Variants in CFAP44 observed in about 807,000 individuals in gnomAD.
CFAP44 encodes cilia- and flagella-associated protein 44.
In CFAP44, 134 loss-of-function variants were observed where a neutral mutation model predicts 216.2. The ratio of observed to expected loss-of-function variants is 0.62; its 90% CI spans 0.54 to 0.72. The LOEUF is 0.72. Ranked by LOEUF, CFAP44 falls within the 30% of genes least tolerant of loss-of-function variation. The probability of loss-of-function intolerance (pLI) is 0.00; values close to 1 mark genes in which losing one functional copy is unlikely to be tolerated. For missense variants in CFAP44, 2,035 were observed against 2,182.1 expected (o/e 0.93, Z 1.34); for synonymous variants, 700 against 727.6 (o/e 0.96, Z 0.61).
At chr3:113,340,818 C>T (rs1274886108) in intron 24 of CFAP44, among the ~76,000 whole-genome samples, 1 of 152,178 alleles carries the variant, frequency 6.6e-6, no homozygotes, top group African/African-American at 2.4e-5. Context: ...GGTTTCTTGC[C>T]TTGGTGTACT....
At chr3:113,295,315 C>T (rs1368402045) in intron 33 of CFAP44, among the ~76,000 whole-genome samples, 1 of 152,238 alleles carries the variant, frequency 6.6e-6, no homozygotes, top group Non-Finnish European at 1.5e-5. Flanking sequence ...GATCCTCTGC[C>T]TAAGCCTCTC....
chr3:113,296,633 C>T, intron 33 of CFAP44, 92 bp downstream of exon 33: 2 of 1,432,648 alleles, frequency 1.4e-6, no homozygotes, highest in Non-Finnish European at 1.9e-6. Flanking sequence ...GCTCCAGCTA[C>T]ACAGATGCTT....
At chr3:113,439,768 T>C (rs1470557992) in intron 1 of CFAP44, among the ~76,000 whole-genome samples, 2 of 152,348 alleles carry the variant, frequency 1.3e-5, no homozygotes, top group Non-Finnish European at 2.9e-5. Flanking sequence ...GAGTGCTGTC[T>C]AAGGTGACAT....
intron 18 of CFAP44, among the ~76,000 whole-genome samples, chr3:113,371,365 C>T (rs1933157387): frequency 6.6e-6 from 1 of 152,198 alleles, no homozygotes; most frequent in African/African-American, 2.4e-5. Context: ...CAGCATGGTA[C>T]TGGTACCAAA....
chr3:113,333,366 G>A (rs1413001753), intron 25 of CFAP44, 40 bp downstream of exon 25: 1 of 1,507,058 alleles, frequency 6.6e-7, no homozygotes, highest in African/African-American at 1.4e-5. Context: ...TAAGAACCCA[G>A]GGTGCCTTCT....
intron 13 of CFAP44, among the ~76,000 whole-genome samples, chr3:113,397,993 T>C (rs958797559): frequency 6.6e-6 from 1 of 152,136 alleles, no homozygotes; most frequent in Non-Finnish European, 1.5e-5. Flanking sequence ...ATGTACCAAA[T>C]CTACTGTCTT....
chr3:113,419,985 T>C lies in CFAP44; in HGVS notation c.570+32A>G, dbSNP rs200271647. 5 of 1,603,470 alleles carry C rather than the reference T, an allele frequency of 3.1e-6. No homozygotes were observed. In the East Asian group the frequency reaches 8.9e-5, roughly 29 times the overall value. On this transcript the variant is annotated intron_variant, in intron 5 of 34. Transcript: ENST00000393845. ...GAACAAGCAAAAAGATAGGGTTTTT[T>C]GGGGTTTTTTTCTAATTTATTGAAG...
rs149680126 is a variant in CFAP44 at position 113,327,552 on chromosome 3, A to G, written c.4320+64T>C. 3.0e-4 allele frequency: 422 copies of G among 1,415,888 alleles called. 3 individuals carry two copies. The African/African-American group carries it at 5.3e-3, about 18-fold the overall frequency. 87.7% of individuals were successfully genotyped at this position (1,415,888 alleles called of 1,614,324 possible). On this transcript the variant is annotated intron_variant, in intron 27 of 34. Coordinates refer to ENST00000393845, the MANE Select transcript of CFAP44 (RefSeq NM_001164496.2). ...AGTGGGAGATTTGAGTTAAGAAGAA[A>G]AAGAAATCAAGTTTCTCCATAACTA...
intron 28 of CFAP44, among the ~76,000 whole-genome samples, chr3:113,311,684 T>C (rs1950040188): frequency 6.6e-6 from 1 of 152,126 alleles, no homozygotes; most frequent in South Asian, 2.1e-4. Flanking sequence ...TGGAAGCGAC[T>C]TTGGAACTGG....
intron 25 of CFAP44, among the ~76,000 whole-genome samples, chr3:113,332,647 G>C (rs1331319727): frequency 6.6e-6 from 1 of 152,050 alleles, no homozygotes; most frequent in East Asian, 1.9e-4. Context: ...TGGTGATTAA[G>C]GAATTAATAT....
intron 22 of CFAP44, among the ~76,000 whole-genome samples, chr3:113,355,724 AC>A (rs1950486918): frequency 6.6e-6 from 1 of 152,092 alleles, no homozygotes; most frequent in Admixed American, 6.6e-5. Flanking sequence ...ATACCTATGT[AC>A]CAAACCTGCA....
At chr3:113,434,891 T>C (rs1935197869) in intron 1 of CFAP44, 1 of 152,210 alleles carries the variant, frequency 6.6e-6, no homozygotes, top group Non-Finnish European at 1.5e-5. Context: ...AAAGCAGATA[T>C]GGTACACTAC....
At chr3:113,357,808 A>G (rs889061629) in intron 22 of CFAP44, among the ~76,000 whole-genome samples, 3 of 152,196 alleles carry the variant, frequency 2.0e-5, no homozygotes, top group Non-Finnish European at 4.4e-5. Flanking sequence ...CTAAACATGC[A>G]TATAACCTAT....
intron 17 of CFAP44, among the ~76,000 whole-genome samples, chr3:113,373,830 T>C (rs1933252336): frequency 6.6e-6 from 1 of 152,178 alleles, no homozygotes; most frequent in Non-Finnish European, 1.5e-5. Flanking sequence ...ACTCCCTACC[T>C]ACAGAATTTC....
At chr3:113,326,069 C>T (rs1388314722) in intron 28 of CFAP44, among the ~76,000 whole-genome samples, 1 of 151,962 alleles carries the variant, frequency 6.6e-6, no homozygotes, top group Non-Finnish European at 1.5e-5. Context: ...ATATAAAGAA[C>T]TCTCCAAACT....
intron 28 of CFAP44, among the ~76,000 whole-genome samples, chr3:113,320,220 A>G (rs965335630): frequency 2.0e-5 from 3 of 148,086 alleles, no homozygotes; most frequent in East Asian, 2.0e-4. Flanking sequence ...GAGGAGGTAT[A>G]TTAGTCTCTC....
At position 113,410,030 on chromosome 3, in the gene CFAP44, C is replaced by T. The variant is rs11915513; in HGVS notation, c.674-708G>A. ...GTCCGGAAACCTCATGAATAATCGA[C>T]TCCTTGTTTAGCATATAATCAAGAA... is the stretch of plus-strand genomic sequence containing the variant. On this transcript the variant is annotated intron_variant, in intron 6 of 34. Coordinates refer to ENST00000393845, the MANE Select transcript of CFAP44 (RefSeq NM_001164496.2). 1.9e-3 allele frequency among the ~76,000 whole-genome samples: 290 copies of T among 152,304 alleles called. 2 individuals carry two copies. The highest frequency in any genetic ancestry group is 5.7e-3 in the African/African-American group (237 of 41,564).
At chr3:113,364,276 CT>C (rs1457027896) in intron 19 of CFAP44, among the ~76,000 whole-genome samples, 6 of 152,214 alleles carry the variant, frequency 3.9e-5, no homozygotes, top group African/African-American at 1.2e-4. Flanking sequence ...TAAAACTAAA[CT>C]TTATTCCCTA....
intron 18 of CFAP44, among the ~76,000 whole-genome samples, chr3:113,369,373 AAC>A (rs1432814616): frequency 3.3e-5 from 5 of 152,208 alleles, no homozygotes; most frequent in African/African-American, 1.2e-4. Flanking sequence ...TAGAAATCAC[AAC>A]AGTCTCTCAG....
Sources: gnomAD v4.1 joint callset for allele counts (sites outside exome capture counted in the v4.1 genomes callset) on GRCh38, gnomAD v4.1.1 for gene constraint, MANE v1.5 for transcripts, NCBI Gene and HGNC (gene_info 2026-07-23, HGNC 2026-07-21) for gene names.